The following FBXL17 variants were observed in gnomAD, a reference collection of about 807,000 sequenced individuals.
FBXL17 encodes F-box and leucine rich repeat protein 17, also known as F-box/LRR-repeat protein 17.
Under a neutral mutation model 66.2 loss-of-function variants are expected in FBXL17, and 22 were observed. The ratio of observed to expected loss-of-function variants is 0.33; its 90% CI spans 0.24 to 0.47. The LOEUF is 0.47. FBXL17 is among the 20% of genes least tolerant of loss of function. The pLI, the probability that FBXL17 is intolerant of heterozygous loss-of-function variation, is 1.00. For synonymous variants in FBXL17, 474 were observed against 400.5 expected (o/e 1.18, Z -2.19); for missense variants, 878 against 948.2 (o/e 0.93, Z 0.97).
intron 6 of FBXL17, among the ~76,000 whole-genome samples, chr5:108,150,031 T>C (rs1440781634): frequency 6.6e-6 from 1 of 152,196 alleles, no homozygotes. Flanking sequence ...CTCAGATTTA[T>C]CAATTGCTAA....
chr5:107,880,778 A>T (rs1203299447), intron 8 of FBXL17: 1 of 1,323,494 alleles, frequency 7.6e-7, no homozygotes, highest in Non-Finnish European at 9.6e-7. Flanking sequence ...GCCAAACTCT[A>T]GTTGACTATG....
chr5:108,122,273 A>G (rs1260942307), intron 6 of FBXL17, among the ~76,000 whole-genome samples: 1 of 152,218 alleles, frequency 6.6e-6, no homozygotes, highest in Non-Finnish European at 1.5e-5. Flanking sequence ...ACGCTCAGGC[A>G]TACAGATATT....
chr5:108,232,802 T>A (rs1419441964), intron 4 of FBXL17, among the ~76,000 whole-genome samples: 6 of 124,390 alleles, frequency 4.8e-5, no homozygotes, highest in African/African-American at 2.1e-4. Context: ...TATATATATA[T>A]ATAATATATA....
chr5:108,246,016 G>C (rs1756079329), intron 4 of FBXL17, among the ~76,000 whole-genome samples: 1 of 152,206 alleles, frequency 6.6e-6, no homozygotes, highest in South Asian at 2.1e-4. Flanking sequence ...GGACCTCAGT[G>C]CCTCACAATG....
intron 7 of FBXL17, among the ~76,000 whole-genome samples, chr5:107,972,640 T>A (rs1752414529): frequency 6.6e-6 from 1 of 152,208 alleles, no homozygotes; most frequent in Non-Finnish European, 1.5e-5. Flanking sequence ...GTTATTCTTA[T>A]TCTTATAAGC....
Position 108,236,088 on chromosome 5 carries a change from G to A in FBXL17, c.1507-11860C>T, listed in dbSNP as rs368639947. On this transcript the variant is annotated intron_variant, in intron 4 of 8. Coordinates refer to ENST00000542267, the MANE Select transcript of FBXL17 (RefSeq NM_001163315.3). ...AATGTGGGATTAGTGGCACATGCCT[G>A]TAGTCCCAGCTACTTGGGATGCTGA... 4.2e-4 allele frequency among the ~76,000 whole-genome samples: 64 copies of A among 152,324 alleles called. 2 individuals carry two copies. The Middle Eastern group carries it at 0.014, about 32-fold the overall frequency.
intron 7 of FBXL17, among the ~76,000 whole-genome samples, chr5:107,949,507 C>T (rs1220493187): frequency 1.3e-5 from 2 of 152,076 alleles, no homozygotes; most frequent in Non-Finnish European, 2.9e-5. Context: ...GGGCTGGACC[C>T]AAAGCACAGA....
At chr5:108,168,562 G>A (rs1752493512) in intron 6 of FBXL17, among the ~76,000 whole-genome samples, 1 of 152,160 alleles carries the variant, frequency 6.6e-6, no homozygotes, top group Non-Finnish European at 1.5e-5. Flanking sequence ...CTGTTTTGAA[G>A]ATTAATCTAC....
intron 4 of FBXL17, among the ~76,000 whole-genome samples, chr5:108,316,845 A>T (rs114816661): frequency 0.021 from 3,201 of 151,340 alleles, 120 homozygotes; most frequent in African/African-American, 0.073. Context: ...ACATCAAAGT[A>T]TTAAACAACT....
intron 6 of FBXL17, among the ~76,000 whole-genome samples, chr5:108,139,301 C>T (rs936458474): frequency 3.3e-5 from 5 of 152,152 alleles, no homozygotes; most frequent in Non-Finnish European, 5.9e-5. Flanking sequence ...ATACAGCATT[C>T]GCTAATTTTA....
intron 6 of FBXL17, among the ~76,000 whole-genome samples, chr5:108,128,432 C>G (rs1485693578): frequency 6.6e-6 from 1 of 151,962 alleles, no homozygotes; most frequent in African/African-American, 2.4e-5. Context: ...AGTCAACTAG[C>G]CTACCTCAGT....
intron 6 of FBXL17, among the ~76,000 whole-genome samples, chr5:108,084,004 A>G (rs973342062): frequency 3.3e-5 from 5 of 152,202 alleles, no homozygotes; most frequent in African/African-American, 1.2e-4. Context: ...TTCATAAGAA[A>G]GCTGGAAAGC....
intron 1 of FBXL17, among the ~76,000 whole-genome samples, chr5:108,378,178 T>G (rs1749576964): frequency 6.6e-6 from 1 of 151,928 alleles, no homozygotes; most frequent in African/African-American, 2.4e-5. Context: ...GAGCCAAAAA[T>G]TAGCCTATGA....
intron 6 of FBXL17, among the ~76,000 whole-genome samples, chr5:108,043,208 T>C (rs1297503954): frequency 6.6e-6 from 1 of 152,218 alleles, no homozygotes; most frequent in African/African-American, 2.4e-5. Flanking sequence ...GTCTTTCACA[T>C]AGCAAAAGTT....
At chr5:108,150,122 TCATAA>T (rs1426297373) in intron 6 of FBXL17, among the ~76,000 whole-genome samples, 1 of 152,180 alleles carries the variant, frequency 6.6e-6, no homozygotes, top group African/African-American at 2.4e-5. Context: ...ATTTCAAACA[TCATAA>T]CATGTTACCC....
chr5:108,121,653 A>G (rs185935), intron 6 of FBXL17, among the ~76,000 whole-genome samples: 99,380 of 151,682 alleles, frequency 0.66, 33,525 homozygotes, highest in East Asian at 0.92. Flanking sequence ...GTCTCCAGGG[A>G]TCACGCCATT....
chr5:108,273,518 T>C (rs1757362596), intron 4 of FBXL17, among the ~76,000 whole-genome samples: 1 of 151,976 alleles, frequency 6.6e-6, no homozygotes, highest in African/African-American at 2.4e-5. Context: ...GAGAAACTAT[T>C]CAGTTACTAT....
intron 4 of FBXL17, among the ~76,000 whole-genome samples, chr5:108,284,957 T>C (rs1757840951): frequency 6.6e-6 from 1 of 151,862 alleles, no homozygotes; most frequent in Admixed American, 6.6e-5. Flanking sequence ...GCAAAACTTC[T>C]TTCTACTACA....
chr5:108,250,685 T>G (rs1394788782), intron 4 of FBXL17, among the ~76,000 whole-genome samples: 1 of 152,082 alleles, frequency 6.6e-6, no homozygotes, highest in Non-Finnish European at 1.5e-5. Flanking sequence ...TACTGAAAGA[T>G]ACAAAATGAA....
Sources: gnomAD v4.1 joint callset for allele counts (sites outside exome capture counted in the v4.1 genomes callset) on GRCh38, gnomAD v4.1.1 for gene constraint, MANE v1.5 for transcripts, NCBI Gene and HGNC (gene_info 2026-07-23, HGNC 2026-07-21) for gene names.